The following MAPK10 variants were observed in gnomAD, a reference collection of about 807,000 sequenced individuals.
MAPK10 encodes JNK3 alpha protein kinase.
Under a neutral mutation model 59.3 loss-of-function variants are expected in MAPK10, and 25 were observed. The ratio of observed to expected loss-of-function variants is 0.42; its 90% CI spans 0.31 to 0.59. The LOEUF (loss-of-function observed/expected upper bound fraction) is 0.59. MAPK10 is among the 20% of genes least tolerant of loss of function. The pLI, the probability that MAPK10 is intolerant of heterozygous loss-of-function variation, is 0.15. For missense variants in MAPK10, 351 were observed against 568.9 expected (o/e 0.62, Z 3.90); for synonymous variants, 190 against 200.5 (o/e 0.95, Z 0.44).
At chr4:86,343,510 T>C (rs990909591) in intron 2 of MAPK10, among the ~76,000 whole-genome samples, 2 of 152,192 alleles carry the variant, frequency 1.3e-5, no homozygotes, top group Non-Finnish European at 2.9e-5. Flanking sequence ...TGTTACATAA[T>C]AGTGCCATGC....
At chr4:86,282,216 C>A (rs1289840756) in intron 2 of MAPK10, among the ~76,000 whole-genome samples, 2 of 152,062 alleles carry the variant, frequency 1.3e-5, no homozygotes, top group African/African-American at 2.4e-5. Context: ...AAACAATATT[C>A]AAATAGTGAA....
At position 86,419,549 on chromosome 4, in the gene MAPK10, C is replaced by T. The variant is rs149792455; in HGVS notation, c.-122+33481G>A. Reference sequence around the variant, plus strand: ...GCTCATTTCAATAAAATTTAATGTACTCATAAGTAGTAAAATTAAGTTGCT... The same window carrying T: ...GCTCATTTCAATAAAATTTAATGTATTCATAAGTAGTAAAATTAAGTTGCT... On this transcript the variant is annotated intron_variant, in intron 1 of 13. Coordinates refer to the MAPK10 transcript ENST00000361569. Among the ~76,000 whole-genome samples, 1,138 of 152,194 alleles carry T rather than the reference C, an allele frequency of 7.5e-3. 5 individuals are homozygous for T. Among genetic ancestry groups the T allele is most frequent in the Middle Eastern group, 0.017 (5 of 294 alleles).
intron 3 of MAPK10, among the ~76,000 whole-genome samples, chr4:86,178,013 A>G (rs2076068309): frequency 1.3e-5 from 2 of 152,128 alleles, no homozygotes. Flanking sequence ...ACAACGTAAA[A>G]TGCCAAAAAA....
chr4:86,406,572 C>G (rs1744389608), intron 1 of MAPK10, among the ~76,000 whole-genome samples: 1 of 152,152 alleles, frequency 6.6e-6, no homozygotes, highest in South Asian at 2.1e-4. Flanking sequence ...AATTCAATTC[C>G]AGTTCTCTGC....
intron 1 of MAPK10, among the ~76,000 whole-genome samples, chr4:86,373,742 A>C (rs1482159372): frequency 6.6e-6 from 1 of 152,188 alleles, no homozygotes; most frequent in Non-Finnish European, 1.5e-5. Flanking sequence ...GATCATGAGA[A>C]AGTCAGGAAA....
At chr4:86,365,527 G>A (rs988225277) in intron 1 of MAPK10, among the ~76,000 whole-genome samples, 2 of 139,480 alleles carry the variant, frequency 1.4e-5, no homozygotes, top group Non-Finnish European at 3.0e-5. Flanking sequence ...TCCCCTGAAA[G>A]TTCCTTTTCC....
At chr4:86,377,105 G>A (rs574331918) in intron 1 of MAPK10, among the ~76,000 whole-genome samples, 1 of 152,304 alleles carries the variant, frequency 6.6e-6, no homozygotes, top group African/African-American at 2.4e-5. Context: ...CATTCCCTGT[G>A]AGGTCGCTAT....
At chr4:86,375,550 G>A (rs763158360) in intron 1 of MAPK10, among the ~76,000 whole-genome samples, 16 of 151,490 alleles carry the variant, frequency 1.1e-4, no homozygotes, top group Admixed American at 5.9e-4. Flanking sequence ...GCAAAACCTC[G>A]TCTCTACAGA....
intron 3 of MAPK10, among the ~76,000 whole-genome samples, chr4:86,171,439 T>C (rs1306032979): frequency 6.6e-6 from 1 of 151,966 alleles, no homozygotes; most frequent in African/African-American, 2.4e-5. Context: ...TACAACTATC[T>C]GATCTTTGAC....
At chr4:86,242,395 T>C (rs2092785315) in intron 2 of MAPK10, among the ~76,000 whole-genome samples, 1 of 152,106 alleles carries the variant, frequency 6.6e-6, no homozygotes. Context: ...AGGGTGTGCT[T>C]TGCTGAGGGA....
intron 9 of MAPK10, chr4:86,089,187 T>G: frequency 6.3e-7 from 1 of 1,597,820 alleles, no homozygotes; most frequent in African/African-American, 1.3e-5. Flanking sequence ...TAGATACCAC[T>G]GGCTGCTAAG....
At chr4:86,466,889 G>A (rs1752252683) in intron 1 of MAPK10, among the ~76,000 whole-genome samples, 1 of 152,172 alleles carries the variant, frequency 6.6e-6, no homozygotes, top group African/African-American at 2.4e-5. Flanking sequence ...ACTATAATGT[G>A]ATATTGAAAC....
At chr4:86,141,727 T>A (rs1358102531) in intron 4 of MAPK10, among the ~76,000 whole-genome samples, 1 of 152,202 alleles carries the variant, frequency 6.6e-6, no homozygotes, top group African/African-American at 2.4e-5. Flanking sequence ...ATGTAGCCTA[T>A]AAGTTTCTTT....
At chr4:86,571,538 C>G (rs1386627859) in intron 1 of MAPK10, among the ~76,000 whole-genome samples, 1 of 151,912 alleles carries the variant, frequency 6.6e-6, no homozygotes, top group African/African-American at 2.4e-5. Context: ...AACCGGAAAG[C>G]ATATGATCAA....
At chr4:86,373,556 T>C (rs1196464838) in intron 1 of MAPK10, among the ~76,000 whole-genome samples, 1 of 152,010 alleles carries the variant, frequency 6.6e-6, no homozygotes, top group African/African-American at 2.4e-5. Flanking sequence ...CTGAAACAAA[T>C]TTACAAGAAA....
chr4:86,136,560 G>T (rs1202026197), intron 4 of MAPK10, among the ~76,000 whole-genome samples: 1 of 150,298 alleles, frequency 6.7e-6, no homozygotes, highest in Non-Finnish European at 1.5e-5. Flanking sequence ...GGAACAACCA[G>T]TACCAGCCAC....
intron 1 of MAPK10, among the ~76,000 whole-genome samples, chr4:86,404,637 C>T (rs1042687295): frequency 2.6e-5 from 4 of 152,106 alleles, no homozygotes; most frequent in Non-Finnish European, 5.9e-5. Flanking sequence ...ATTTTAAGCA[C>T]CCTTTTGAAA....
At chr4:86,203,257 C>A (rs2083051901) in intron 2 of MAPK10, among the ~76,000 whole-genome samples, 1 of 151,880 alleles carries the variant, frequency 6.6e-6, no homozygotes, top group Non-Finnish European at 1.5e-5. Context: ...ATACTCCAAA[C>A]AAAGCAATAG....
intron 2 of MAPK10, among the ~76,000 whole-genome samples, chr4:86,208,216 G>A (rs537189868): frequency 6.6e-6 from 1 of 151,864 alleles, no homozygotes; most frequent in South Asian, 2.1e-4. Flanking sequence ...AGAAAAAGAG[G>A]GAATCCTCCC....
Sources: allele counts gnomAD v4.1 joint callset (sites outside exome capture counted in the v4.1 genomes callset), GRCh38; gene constraint gnomAD v4.1.1; transcripts MANE v1.5; gene names NCBI Gene and HGNC (gene_info 2026-07-23, HGNC 2026-07-21).